The following ESPL1 variants were observed in gnomAD, a reference collection of about 807,000 sequenced individuals.
ESPL1 encodes extra spindle pole bodies like 1, separase, also known as separin.
In ESPL1, 50 loss-of-function variants were observed where a neutral mutation model predicts 217.2. The ratio of observed to expected loss-of-function variants is 0.23; its 90% CI spans 0.18 to 0.29. ESPL1 has a LOEUF of 0.29. Ranked by LOEUF, ESPL1 falls within the 10% of genes least tolerant of loss-of-function variation. The probability of loss-of-function intolerance (pLI) is 1.00; values close to 1 mark genes in which losing one functional copy is unlikely to be tolerated. For synonymous variants in ESPL1, 994 were observed against 1,081.3 expected, an observed-to-expected ratio of 0.92 and a Z score of 1.58; for missense variants, 1,834 against 2,603.0, an observed-to-expected ratio of 0.70 and a Z score of 6.43.
Position 53,288,636 on chromosome 12 carries a change from G to C in ESPL1, c.4645G>C (p.Asp1549His). 6.2e-7 allele frequency: 1 copy of C among 1,613,994 alleles called. No individual in the cohort carries two copies. The highest frequency in any genetic ancestry group is 8.5e-7 in the Non-Finnish European group (1 of 1,180,020). The change falls in exon 20 of 31, where the codon GAC becomes CAC. Residue 1549 changes from aspartate to histidine, a missense_variant. Coordinates refer to ENST00000257934, the MANE Select transcript of ESPL1 (RefSeq NM_012291.5). ...GAAGAAGCTGCCCAGCCCATGCCCAGACAAGGAGAGTGACAAGGACCTTGG... is the reference window on the plus strand; with the variant it reads ...GAAGAAGCTGCCCAGCCCATGCCCACACAAGGAGAGTGACAAGGACCTTGG... ...SKKKLPSPCP[D>H]KESDKDLGPR...
At chr12:53,275,629 G>C (rs376813398) in intron 7 of ESPL1, among the ~76,000 whole-genome samples, 8 of 152,130 alleles carry the variant, frequency 5.3e-5, no homozygotes, top group South Asian at 2.1e-4. Flanking sequence ...GTGCTACTTG[G>C]GGGGTATAGT....
Position 53,290,095 on chromosome 12 carries a change from G to A in ESPL1, c.5124G>A (p.Val1708=). ...RLALIPSGVT[V]CVLALATLQP... is the part of the protein sequence containing the mutation. The stretch of plus-strand genomic sequence containing the variant: ...TATCCTGTGTGTCAGGGGTGACTGT[G>A]TGTGTGTTGGCCCTGGCCACCCTCC... Residue 1708 remains valine, a synonymous_variant, in exon 23 of 31, where the codon GTG becomes GTA. Transcript: ENST00000257934. 6.2e-7 allele frequency: 1 copy of A among 1,612,730 alleles called. No homozygotes were observed.
At position 53,291,711 on chromosome 12, in the gene ESPL1, G is replaced by T. The variant is rs755057929; in HGVS notation, c.5542G>T (p.Ala1848Ser). The T allele has an allele frequency of 6.2e-7, 1 of 1,613,786 alleles. No homozygotes were observed. The highest frequency in any genetic ancestry group is 1.3e-5 in the African/African-American group (1 of 74,914). ...GCAGATCATGCTCAGTGGTGCCGGT[G>T]CCCTCACCCCTCAGGACATTCAGGC... is the stretch of plus-strand genomic sequence containing the variant. ...LLKIMLSGAG[A>S]LTPQDIQALA... is the part of the protein sequence containing the mutation. Residue 1848 changes from alanine (A) to serine (S), a missense_variant, in exon 26 of 31, where the codon GCC (alanine) becomes TCC (serine). Physicochemically the swap from Ala to Ser is moderately conservative, Grantham distance 99. This residue lies in a region of ESPL1 where 295 missense variants were observed against 519.8 expected (regional missense o/e 0.57). Coordinates refer to ENST00000257934, the MANE Select transcript of ESPL1 (RefSeq NM_012291.5).
At position 53,288,714 on chromosome 12, in the gene ESPL1, C is replaced by G. The variant is rs774541779; in HGVS notation, c.4708+15C>G. The stretch of plus-strand genomic sequence containing the variant: ...CGTAGCCACTGGTGAATATGCGACC[C>G]CTGATGTTGGTCACTTGGAGAGGGC... On this transcript the variant is annotated intron_variant, in intron 20 of 30. Transcript: ENST00000257934. 8 of 1,600,898 alleles carry G rather than the reference C, an allele frequency of 5.0e-6. No homozygotes were observed. The African/African-American group carries it at 1.1e-4, about 22-fold the overall frequency.
chr12:53,271,287 C>G (rs1943668994), intron 5 of ESPL1, among the ~76,000 whole-genome samples: 1 of 150,940 alleles, frequency 6.6e-6, no homozygotes, highest in African/African-American at 2.4e-5. Context: ...GATCCTCCCA[C>G]CTCAGCCCCG....
intron 5 of ESPL1, 128 bp from the exon 6 acceptor site, chr12:53,272,593 T>C (rs1021121175): frequency 2.6e-5 from 27 of 1,054,652 alleles, no homozygotes; most frequent in Non-Finnish European, 3.6e-5. Flanking sequence ...TTCCTAGCAG[T>C]AGGGGTTCCT....
At chr12:53,278,022 C>G in intron 11 of ESPL1, 62 bp downstream of exon 11, 1 of 1,544,052 alleles carries the variant, frequency 6.5e-7, no homozygotes, top group Non-Finnish European at 8.8e-7. Flanking sequence ...AAACAGCTCC[C>G]TCGCCTTCTT....
intron 13 of ESPL1, 126 bp downstream of exon 13, chr12:53,281,752 A>G: frequency 1.1e-6 from 1 of 897,408 alleles, no homozygotes; most frequent in Non-Finnish European, 1.7e-6. Context: ...CCTGAGAGGC[A>G]GGCATATTTC....
At chr12:53,284,217 C>T in intron 17 of ESPL1, 50 bp downstream of exon 17, 9 of 1,049,718 alleles carry the variant, frequency 8.6e-6, no homozygotes, top group Non-Finnish European at 1.3e-5. Flanking sequence ...ATGACACACA[C>T]TACAGCACAT....
intron 16 of ESPL1, 68 bp downstream of exon 16, chr12:53,283,606 C>A: frequency 7.0e-7 from 1 of 1,425,888 alleles, no homozygotes; most frequent in Non-Finnish European, 9.7e-7. Flanking sequence ...AACATGGATT[C>A]CAAACTGTTC....
chr12:53,277,225 G>A lies in ESPL1; in HGVS notation c.2083G>A (p.Glu695Lys). The A allele has an allele frequency of 6.2e-7, 1 of 1,606,282 alleles. No individual in the cohort carries two copies. The highest frequency in any genetic ancestry group is 8.5e-7 in the Non-Finnish European group (1 of 1,173,476). The change falls in exon 9 of 31, where the codon GAA (glutamate) becomes AAA (lysine). Residue 695 changes from glutamate (E) to lysine (K), a missense_variant and splice_region_variant. Physicochemically the swap from Glu to Lys is moderately conservative, Grantham distance 56. This residue lies in a region of ESPL1 where 746 missense variants were observed against 1,077.0 expected (regional missense o/e 0.69). Transcript: ENST00000257934. ...CTGTACTCTGGAAGCCAAAATGCAG[G>A]AAGTGAGTGTGGCTGCTGTGGGGCT... ...YICTLEAKMQEGIERDRRAQA... is the reference protein window; with the variant it reads ...YICTLEAKMQKGIERDRRAQA...
chr12:53,286,603 A>G lies in ESPL1; in HGVS notation c.3867A>G (p.Ala1289=), dbSNP rs761816530. 2.5e-6 allele frequency: 4 copies of G among 1,614,148 alleles called. No individual in the cohort carries two copies. In the Admixed American group the frequency reaches 5.0e-5, roughly 20 times the overall value. ...GLSCCTTQLF[A]SSWGWQPPLI... The stretch of plus-strand genomic sequence containing the variant: ...GCTGCTGTACTACCCAACTTTTTGC[A>G]AGCTCCTGGGGCTGGCAGCCACCAT... The change falls in exon 18 of 31, where the codon GCA becomes GCG. Residue 1289 remains alanine, a synonymous_variant. Transcript: ENST00000257934. This position sits in a 1 kb window ranked among gnomAD's most constrained non-coding sequence, Gnocchi z 5.3.
Position 53,287,989 on chromosome 12 carries a change from C to T in ESPL1, c.4194C>T (p.Asp1398=), listed in dbSNP as rs771537201. Residue 1398 remains aspartate (D), a synonymous_variant, in exon 19 of 31, where the codon GAC becomes GAT. Transcript: ENST00000257934. ...QTRLKVNFSD[D]SDLEDPVSAE... ...GATCTCAGGTGAACTTCAGTGATGA[C>T]AGTGACTTGGAAGACCCTGTCTCAG... 4 of 1,605,068 alleles carry T rather than the reference C, an allele frequency of 2.5e-6. No homozygotes were observed. The South Asian group carries it at 3.3e-5, about 13-fold the overall frequency.
At chr12:53,278,765 A>G (rs566153292) in intron 11 of ESPL1, among the ~76,000 whole-genome samples, 25 of 151,004 alleles carry the variant, frequency 1.7e-4, no homozygotes, top group African/African-American at 6.1e-4. Context: ...ACTTTTTTGT[A>G]TTTTTAGTAT....
At chr12:53,281,974 C>CACACACAAG (rs1475409371) in intron 13 of ESPL1, among the ~76,000 whole-genome samples, 2 of 152,136 alleles carry the variant, frequency 1.3e-5, no homozygotes, top group Non-Finnish European at 2.9e-5. Flanking sequence ...GACTTGGGCA[C>CACACACAAG]GTCTTCTACC....
chr12:53,276,683 G>A lies in ESPL1; in HGVS notation c.1764G>A (p.Glu588=). The change falls in exon 8 of 31, where the codon GAG becomes GAA. Residue 588 remains glutamate, a synonymous_variant. Coordinates refer to ENST00000257934, the MANE Select transcript of ESPL1 (RefSeq NM_012291.5). ...CCCTGGCCCTCCTGCTGAGGGAGGA[G>A]CTGCAGGCCTACAAGGCGGTGCGGG... ...PETLALLLRE[E]LQAYKAVRAD... 1 of 1,613,336 alleles carries A rather than the reference G, an allele frequency of 6.2e-7. No homozygotes were observed. Among genetic ancestry groups the A allele is most frequent in the Non-Finnish European group, 8.5e-7 (1 of 1,180,008 alleles).
rs763362532 is a variant in ESPL1 at position 53,289,601 on chromosome 12, G to A, written c.5113+7G>A. 3.5e-5 allele frequency: 57 copies of A among 1,610,418 alleles called. No individual in the cohort carries two copies. Among genetic ancestry groups the A allele is most frequent in the African/African-American group, 6.7e-5 (5 of 74,750 alleles). On this transcript the variant is annotated splice_region_variant and intron_variant, in intron 22 of 30. Coordinates refer to ENST00000257934, the MANE Select transcript of ESPL1 (RefSeq NM_012291.5). ...CTGGCTCTGATCCCCAGTGGTATGC[G>A]GGCAGCCTTCTGGCCGGCTCCTCTG...
intron 7 of ESPL1, among the ~76,000 whole-genome samples, chr12:53,275,686 G>GA (rs1236681297): frequency 6.0e-5 from 9 of 150,944 alleles, no homozygotes. Context: ...TACTTGGGGA[G>GA]ATATTTTTAA....
intron 12 of ESPL1, among the ~76,000 whole-genome samples, 162 bp from the exon 13 acceptor site, chr12:53,281,345 G>A (rs565904308): frequency 6.6e-6 from 1 of 152,008 alleles, no homozygotes; most frequent in East Asian, 1.9e-4. Context: ...CACCATGTTG[G>A]CCAGGCTGGT....
Sources: allele counts gnomAD v4.1 joint callset (sites outside exome capture counted in the v4.1 genomes callset), GRCh38; gene constraint gnomAD v4.1.1; regional missense constraint gnomAD v4.1.1; non-coding constraint Gnocchi (gnomAD v3.1); transcripts MANE v1.5; gene names NCBI Gene and HGNC (gene_info 2026-07-23, HGNC 2026-07-21).